Variants in KALRN observed in about 807,000 individuals in gnomAD.
KALRN encodes kalirin.
In KALRN, 70 loss-of-function variants were observed where a neutral mutation model predicts 353.7. That is an observed-to-expected ratio of 0.20 (90% CI 0.16 to 0.24). KALRN has a LOEUF of 0.24. Among genes scored for constraint, KALRN ranks in the 10% least tolerant of loss-of-function variants. KALRN has a pLI of 1.00. For synonymous variants in KALRN, 1,391 were observed against 1,434.8 expected, an observed-to-expected ratio of 0.97 and a Z score of 0.69; for missense variants, 2,791 against 3,756.7, an observed-to-expected ratio of 0.74 and a Z score of 6.72.
At chr3:124,242,237 G>A (rs548392535) in intron 3 of KALRN, among the ~76,000 whole-genome samples, 1 of 152,288 alleles carries the variant, frequency 6.6e-6, no homozygotes, top group South Asian at 2.1e-4. Context: ...GTAACAACTA[G>A]CATTTATTAA....
chr3:124,034,355 T>C (rs1450188060), intron 1 of KALRN, among the ~76,000 whole-genome samples: 12 of 152,072 alleles, frequency 7.9e-5, no homozygotes, highest in Admixed American at 7.9e-4. Flanking sequence ...CTGGTGCGTG[T>C]GGGGAGCTGG....
intron 19 of KALRN, among the ~76,000 whole-genome samples, chr3:124,444,245 G>A (rs1271257249): frequency 1.3e-5 from 2 of 152,154 alleles, no homozygotes; most frequent in African/African-American, 2.4e-5. Flanking sequence ...ATTTATTCTG[G>A]GACCTGGGTC....
chr3:124,717,993 G>A (rs1327622140), intron 59 of KALRN, among the ~76,000 whole-genome samples: 2 of 150,366 alleles, frequency 1.3e-5, no homozygotes, highest in Admixed American at 1.3e-4. Flanking sequence ...TGTATTTTTA[G>A]TAGAGACAGG....
chr3:124,456,866 T>C (rs746127808), intron 23 of KALRN, 138 bp downstream of exon 23: 65 of 572,054 alleles, frequency 1.1e-4, no homozygotes, highest in Middle Eastern at 9.9e-4. Context: ...AATGTTTGCA[T>C]TGAGAATATG....
intron 1 of KALRN, among the ~76,000 whole-genome samples, chr3:124,210,519 C>T (rs978133631): frequency 6.6e-6 from 1 of 152,166 alleles, no homozygotes. Flanking sequence ...TCTTCTACAG[C>T]AAAGCAGATT....
intron 13 of KALRN, among the ~76,000 whole-genome samples, chr3:124,402,115 A>G (rs966254729): frequency 1.3e-5 from 2 of 152,182 alleles, no homozygotes; most frequent in East Asian, 1.9e-4. Context: ...GAATCTAAAC[A>G]TGACTCCTTA....
intron 1 of KALRN, among the ~76,000 whole-genome samples, chr3:124,205,948 C>A (rs1397580780): frequency 6.6e-6 from 1 of 152,130 alleles, no homozygotes; most frequent in Non-Finnish European, 1.5e-5. Context: ...AGATCACTGA[C>A]ATATTCTTGT....
chr3:124,416,242 C>G (rs1373932537), intron 14 of KALRN, among the ~76,000 whole-genome samples: 3 of 152,180 alleles, frequency 2.0e-5, no homozygotes, highest in Non-Finnish European at 2.9e-5. Flanking sequence ...CTGATGTGAC[C>G]CTGGGCAAGC....
intron 15 of KALRN, among the ~76,000 whole-genome samples, chr3:124,430,206 TGAA>T: frequency 6.6e-6 from 1 of 152,140 alleles, no homozygotes; most frequent in South Asian, 2.1e-4. Context: ...TTGCACTAGA[TGAA>T]GAAGAGATTG....
intron 37 of KALRN, among the ~76,000 whole-genome samples, chr3:124,637,930 G>T (rs908418266): frequency 2.0e-5 from 3 of 152,206 alleles, no homozygotes; most frequent in Non-Finnish European, 4.4e-5. Flanking sequence ...ATGAGTCTGA[G>T]CAGGTTTGGG....
intron 1 of KALRN, among the ~76,000 whole-genome samples, chr3:124,213,895 A>G (rs2077095298): frequency 6.6e-6 from 1 of 152,218 alleles, no homozygotes; most frequent in South Asian, 2.1e-4. Flanking sequence ...CCTGAACTTT[A>G]AATAAGGTTG....
chr3:124,264,422 C>A, intron 3 of KALRN, 76 bp from the exon 4 acceptor site: 1 of 1,278,302 alleles, frequency 7.8e-7, no homozygotes, highest in Non-Finnish European at 1.1e-6. Flanking sequence ...GTGCAGGTTT[C>A]CGGGTGCTTT....
At chr3:124,574,890 C>G (rs2073930731) in intron 34 of KALRN, among the ~76,000 whole-genome samples, 1 of 152,196 alleles carries the variant, frequency 6.6e-6, no homozygotes, top group Non-Finnish European at 1.5e-5. Context: ...GGCCACAGCT[C>G]TAGGAGCTCT....
chr3:124,477,965 T>A (rs566116663), intron 27 of KALRN, among the ~76,000 whole-genome samples: 1 of 152,358 alleles, frequency 6.6e-6, no homozygotes, highest in South Asian at 2.1e-4. Flanking sequence ...TGAACACCTC[T>A]GCTATAATAG....
intron 34 of KALRN, among the ~76,000 whole-genome samples, chr3:124,564,797 T>C (rs570750162): frequency 6.6e-6 from 1 of 152,372 alleles, no homozygotes; most frequent in Non-Finnish European, 1.5e-5. Flanking sequence ...TCCAGGTGGC[T>C]CTGATGCACA....
rs753507951 is a variant in KALRN, at chr3:124,622,703, G to A, written c.5183-9717G>A. On this transcript the variant is annotated intron_variant, in intron 34 of 59. Coordinates refer to ENST00000682506, the MANE Select transcript of KALRN (RefSeq NM_001388419.1). ...ACTATTAGAATTATCTTCTTTTTCTGTCTGGGAATTGTAGTCCTTCTCTAC... is the reference window on the plus strand; with the variant it reads ...ACTATTAGAATTATCTTCTTTTTCTATCTGGGAATTGTAGTCCTTCTCTAC... Among the ~76,000 whole-genome samples the A allele has an allele frequency of 1.6e-4, 25 of 152,282 alleles. No individual in the cohort carries two copies. The East Asian group carries it at 4.4e-3, about 27-fold the overall frequency.
In KALRN at chr3:124,456,706, C is replaced by T. The variant is rs1038128039; in HGVS notation, c.3832C>T (p.Arg1278Trp). Residue 1278 changes from arginine (R) to tryptophan (W), a missense_variant, in exon 23 of 60, where the codon CGG becomes TGG. Physicochemically the swap from Arg to Trp is moderately radical, Grantham distance 101. Around this residue, in one of 11 missense-constraint regions of KALRN, gnomAD observed 268 missense variants for 347.0 expected, o/e 0.77. Coordinates refer to ENST00000682506, the MANE Select transcript of KALRN (RefSeq NM_001388419.1). ...CAACCACGAAGTCAATGAAGAGAAG[C>T]GGAAGTCAGCCCGGAAGAAAGAGTA... The part of the protein sequence containing the change: ...DANHEVNEEK[R>W]KSARKKEFIM... 2 of 1,612,464 alleles carry T rather than the reference C, an allele frequency of 1.2e-6. No homozygotes were observed.
intron 9 of KALRN, among the ~76,000 whole-genome samples, chr3:124,341,157 AGCAT>A (rs2081663068): frequency 6.6e-6 from 1 of 152,194 alleles, no homozygotes. Context: ...CAAGGATGTG[AGCAT>A]CTCTTTTGGA....
intron 11 of KALRN, among the ~76,000 whole-genome samples, chr3:124,386,893 T>C (rs1168150637): frequency 1.3e-5 from 2 of 152,202 alleles, no homozygotes; most frequent in African/African-American, 2.4e-5. Flanking sequence ...TCTTATGATA[T>C]AGATTTTATT....
Sources: allele counts gnomAD v4.1 joint callset (sites outside exome capture counted in the v4.1 genomes callset), GRCh38; gene constraint gnomAD v4.1.1; regional missense constraint gnomAD v4.1.1; transcripts MANE v1.5; gene names NCBI Gene and HGNC (gene_info 2026-07-23, HGNC 2026-07-21).